Variants in COL22A1 observed in about 807,000 individuals in gnomAD.
COL22A1 encodes collagen type XXII alpha 1 chain, also known as collagen alpha-1(XXII) chain.
A neutral mutation model predicts 248.9 loss-of-function variants in COL22A1; 221 were observed. The observed-to-expected ratio is 0.89, with a 90% confidence interval of 0.80 to 0.99. The LOEUF (loss-of-function observed/expected upper bound fraction) is 0.99. COL22A1 is among the 50% of genes least tolerant of loss of function. The probability of loss-of-function intolerance (pLI) is 0.00; values close to 1 mark genes in which losing one functional copy is unlikely to be tolerated. For missense variants in COL22A1, 2,240 were observed against 2,179.0 expected, an observed-to-expected ratio of 1.03 and a Z score of -0.56; for synonymous variants, 891 against 793.4, an observed-to-expected ratio of 1.12 and a Z score of -2.07.
rs1170781772 is a variant in COL22A1 at position 138,762,571 on chromosome 8, AG to A, written c.1804-106del. 20 of 1,049,188 alleles carry A rather than the reference AG, an allele frequency of 1.9e-5. No homozygotes were observed. The East Asian group carries it at 4.9e-4, about 25-fold the overall frequency. 65.0% of individuals were successfully genotyped at this position (1,049,188 alleles called of 1,614,324 possible). ...GTCATGGACAAGGAGGGTGGGGAAA[AG>A]GTGCCAAACGCACGTGCACACACAC... On this transcript the variant is annotated intron_variant, in intron 16 of 64. Coordinates refer to ENST00000303045, the MANE Select transcript of COL22A1 (RefSeq NM_152888.3).
chr8:138,898,620 G>T (rs561931808), intron 1 of COL22A1, among the ~76,000 whole-genome samples: 2 of 152,128 alleles, frequency 1.3e-5, no homozygotes, highest in Non-Finnish European at 2.9e-5. Context: ...GGAAAGCAAA[G>T]ACTAACTTAG....
chr8:138,796,703 C>A (rs13262305), intron 12 of COL22A1, 116 bp downstream of exon 12: 196,651 of 788,096 alleles, frequency 0.25, 25,850 homozygotes, highest in African/African-American at 0.32. Context: ...CCCAGGACAC[C>A]TCTTTTCCCC....
At chr8:138,688,886 C>A in intron 37 of COL22A1, 31 bp downstream of exon 37, 1 of 1,594,580 alleles carries the variant, frequency 6.3e-7, no homozygotes, top group South Asian at 1.1e-5. Flanking sequence ...AGGATATTCA[C>A]TTGTGTGCTG....
intron 3 of COL22A1, among the ~76,000 whole-genome samples, chr8:138,875,700 C>T (rs1170015356): frequency 6.6e-6 from 1 of 152,164 alleles, no homozygotes; most frequent in Non-Finnish European, 1.5e-5. Flanking sequence ...TCTTTCCCCA[C>T]CTAACCCATC....
At chr8:138,824,042 G>C (rs190706986) in intron 6 of COL22A1, among the ~76,000 whole-genome samples, 14 of 152,314 alleles carry the variant, frequency 9.2e-5, no homozygotes, top group Admixed American at 1.3e-4. Flanking sequence ...AAGGAAGACT[G>C]GGATTTATTT....
intron 40 of COL22A1, among the ~76,000 whole-genome samples, chr8:138,677,776 C>T (rs189612249): frequency 9.2e-5 from 14 of 152,286 alleles, no homozygotes; most frequent in Admixed American, 7.8e-4. Context: ...CAGACATGGC[C>T]CCAACAGTTT....
At chr8:138,600,418 G>A (rs944712181) in intron 60 of COL22A1, among the ~76,000 whole-genome samples, 2 of 146,958 alleles carry the variant, frequency 1.4e-5, no homozygotes, top group African/African-American at 5.5e-5. Context: ...TCTAACATAC[G>A]CACTTAAATG....
chr8:138,623,895 C>T (rs993919029), intron 51 of COL22A1, 110 bp from the exon 52 acceptor site: 2 of 855,486 alleles, frequency 2.3e-6, no homozygotes, highest in Admixed American at 4.5e-5. Context: ...GTTGCCTTCA[C>T]AGTTGGCAGC....
intron 3 of COL22A1, 68 bp from the exon 4 acceptor site, chr8:138,844,226 A>T: frequency 6.9e-7 from 1 of 1,451,616 alleles, no homozygotes; most frequent in Non-Finnish European, 9.7e-7. Flanking sequence ...GTGAAATATG[A>T]CAGCACACAA....
At chr8:138,830,277 CT>C (rs1232475975) in intron 5 of COL22A1, among the ~76,000 whole-genome samples, 1 of 152,168 alleles carries the variant, frequency 6.6e-6, no homozygotes. Flanking sequence ...TAATACCTGC[CT>C]TGCTCGTTTC....
chr8:138,846,493 G>T (rs1209868434), intron 3 of COL22A1, among the ~76,000 whole-genome samples: 3 of 152,166 alleles, frequency 2.0e-5, no homozygotes, highest in Non-Finnish European at 4.4e-5. Flanking sequence ...AAAACAACCT[G>T]CAAATTCCCT....
chr8:138,600,059 A>G (rs974281563), intron 60 of COL22A1, among the ~76,000 whole-genome samples: 1 of 152,162 alleles, frequency 6.6e-6, no homozygotes, highest in Non-Finnish European at 1.5e-5. Flanking sequence ...GGATTATCCA[A>G]TGGCCTCCAA....
intron 60 of COL22A1, among the ~76,000 whole-genome samples, chr8:138,601,248 G>A (rs1293787205): frequency 1.3e-5 from 2 of 152,050 alleles, no homozygotes; most frequent in Non-Finnish European, 2.9e-5. Flanking sequence ...CAACAGCCAC[G>A]GGATAGAGGA....
At chr8:138,673,046 A>G (rs1825173655) in intron 41 of COL22A1, among the ~76,000 whole-genome samples, 1 of 152,158 alleles carries the variant, frequency 6.6e-6, no homozygotes, top group Non-Finnish European at 1.5e-5. Context: ...CCAAAACCCC[A>G]AACAATGGCC....
chr8:138,625,246 G>A (rs531901773), intron 51 of COL22A1, among the ~76,000 whole-genome samples: 2 of 152,214 alleles, frequency 1.3e-5, no homozygotes, highest in African/African-American at 4.8e-5. Context: ...ATCTACTAAC[G>A]AAAGAAGGGA....
intron 1 of COL22A1, among the ~76,000 whole-genome samples, chr8:138,892,867 G>A (rs181213203): frequency 2.6e-3 from 390 of 152,344 alleles, no homozygotes; most frequent in Non-Finnish European, 3.9e-3. Flanking sequence ...ATTGCGGGTG[G>A]GGGCTGGGGG....
At chr8:138,805,166 G>GGTGT (rs1192092755) in intron 10 of COL22A1, among the ~76,000 whole-genome samples, 5 of 137,914 alleles carry the variant, frequency 3.6e-5, no homozygotes, top group African/African-American at 1.4e-4. Flanking sequence ...TGTGCATGAG[G>GGTGT]GTGTGTGTGT....
Position 138,771,998 on chromosome 8 carries a change from T to C in COL22A1, c.1803+3968A>G, listed in dbSNP as rs141720730. The stretch of plus-strand genomic sequence containing the variant: ...GGACGCTCAGTGAGTGTTTTCTCCC[T>C]GTGATGTTTCCTGGCTCAGGTGAGG... On this transcript the variant is annotated intron_variant, in intron 16 of 64. Transcript: ENST00000303045. Among the ~76,000 whole-genome samples, 293 of 152,350 alleles carry C rather than the reference T, an allele frequency of 1.9e-3. 2 individuals are homozygous for C. The highest frequency in any genetic ancestry group is 0.01 in the Middle Eastern group (3 of 294).
chr8:138,786,081 C>T (rs189858096), intron 12 of COL22A1, among the ~76,000 whole-genome samples: 3 of 152,286 alleles, frequency 2.0e-5, no homozygotes, highest in South Asian at 2.1e-4. Context: ...GACAAATTGT[C>T]GAAGTGCTCT....
Sources: allele counts gnomAD v4.1 joint callset (sites outside exome capture counted in the v4.1 genomes callset), GRCh38; gene constraint gnomAD v4.1.1; transcripts MANE v1.5; gene names NCBI Gene and HGNC (gene_info 2026-07-23, HGNC 2026-07-21).